Variants in FEZ2 observed in about 807,000 individuals in gnomAD.
FEZ2 encodes fasciculation and elongation protein zeta 2.
In FEZ2, 51 loss-of-function variants were observed where a neutral mutation model predicts 40.4. The ratio of observed to expected loss-of-function variants is 1.26; its 90% confidence interval spans 1.01 to 1.59. The LOEUF is 1.59. Ranked by LOEUF, FEZ2 falls within the 40% of genes most tolerant of loss-of-function variation. The pLI, the probability that FEZ2 is intolerant of heterozygous loss-of-function variation, is 0.00. For synonymous variants in FEZ2, 242 were observed against 172.0 expected (o/e 1.41, Z -3.18); for missense variants, 640 against 438.3 (o/e 1.46, Z -4.11).
intron 5 of FEZ2, among the ~76,000 whole-genome samples, chr2:36,559,963 GT>G (rs1211053698): frequency 7.2e-5 from 11 of 152,362 alleles, no homozygotes; most frequent in African/African-American, 1.7e-4. Flanking sequence ...ACTACCTGCA[GT>G]AAAAACTCCA....
Position 36,552,937 on chromosome 2 carries a change from T to A in FEZ2, c.*226A>T. The stretch of plus-strand genomic sequence containing the variant: ...CTCTTAATCTACTAAGAGAACAGTT[T>A]ATTAGTAGATTTAACAAAAACCATC... On this transcript the variant is annotated 3_prime_UTR_variant, in exon 8 of 8. Transcript: ENST00000405912. The A allele has an allele frequency of 1.9e-6, 1 of 536,606 alleles. No homozygotes were observed. Among genetic ancestry groups the A allele is most frequent in the Non-Finnish European group, 3.4e-6 (1 of 298,056 alleles). The allele number at this position is 536,606 out of a possible 1,614,324, so 33.2% of individuals were successfully genotyped here. A position where few individuals can be genotyped will look rare whatever the true frequency, so the allele number is the denominator to read the frequency against.
At chr2:36,574,719 T>C (rs1296651522) in intron 5 of FEZ2, among the ~76,000 whole-genome samples, 4 of 151,252 alleles carry the variant, frequency 2.6e-5, no homozygotes, top group Non-Finnish European at 5.9e-5. Context: ...GAGCATTGAA[T>C]ATAAAGAAGT....
At chr2:36,584,902 G>C (rs562582243) in intron 2 of FEZ2, among the ~76,000 whole-genome samples, 1 of 152,130 alleles carries the variant, frequency 6.6e-6, no homozygotes, top group Non-Finnish European at 1.5e-5. Flanking sequence ...ATTAGGCTGG[G>C]AGAAGGGCCC....
intron 4 of FEZ2, 86 bp from the exon 5 acceptor site, chr2:36,578,951 T>A: frequency 9.3e-7 from 1 of 1,072,434 alleles, no homozygotes; most frequent in Non-Finnish European, 1.4e-6. Context: ...AATGACTAAA[T>A]AAACACCTAT....
At chr2:36,565,628 C>T (rs1668215299) in intron 5 of FEZ2, among the ~76,000 whole-genome samples, 1 of 152,190 alleles carries the variant, frequency 6.6e-6, no homozygotes, top group South Asian at 2.1e-4. Context: ...GACCCCTAAA[C>T]CTAGCTAGGG....
At chr2:36,582,191 A>T (rs1410098198) in intron 3 of FEZ2, among the ~76,000 whole-genome samples, 3 of 151,614 alleles carry the variant, frequency 2.0e-5, no homozygotes, top group African/African-American at 7.3e-5. Flanking sequence ...GAAACCCAGG[A>T]AAATTACTCA....
intron 5 of FEZ2, among the ~76,000 whole-genome samples, chr2:36,565,142 C>G (rs1474301768): frequency 1.3e-5 from 2 of 152,198 alleles, no homozygotes; most frequent in African/African-American, 4.8e-5. Flanking sequence ...CAATCAACCT[C>G]ACCAATATCT....
chr2:36,563,550 T>C (rs1178584430), intron 5 of FEZ2, among the ~76,000 whole-genome samples: 4 of 150,294 alleles, frequency 2.7e-5, no homozygotes, highest in Non-Finnish European at 5.9e-5. Flanking sequence ...AAAATCTACG[T>C]CTGAGAACGT....
Position 36,591,234 on chromosome 2 carries a change from C to T in FEZ2, c.267-223G>A, listed in dbSNP as rs10469897. The T allele has an allele frequency of 0.37, 203,298 of 544,766 alleles. 39,577 individuals carry two copies. The highest frequency in any genetic ancestry group is 0.64 in the East Asian group (20,613 of 32,172). 33.7% of individuals were successfully genotyped at this position (544,766 alleles called of 1,614,324 possible). A position where few individuals can be genotyped will look rare whatever the true frequency, so the allele number is the denominator to read the frequency against. On this transcript the variant is annotated intron_variant, in intron 1 of 7. Coordinates refer to ENST00000405912, the MANE Select transcript of FEZ2 (RefSeq NM_005102.3). The stretch of plus-strand genomic sequence containing the variant: ...AAGAAGTCCTAAGGGAAGGTGAAGC[C>T]GTACAGAAAACTGCCAATAGGCAGT...
intron 5 of FEZ2, among the ~76,000 whole-genome samples, chr2:36,567,301 C>T (rs112151741): frequency 6.6e-6 from 1 of 150,938 alleles, no homozygotes; most frequent in Non-Finnish European, 1.5e-5. Context: ...GGAGTATGAA[C>T]AGAATAAAGA....
chr2:36,586,022 T>C (rs1418421355), intron 2 of FEZ2, among the ~76,000 whole-genome samples: 3 of 152,180 alleles, frequency 2.0e-5, no homozygotes, highest in Admixed American at 2.0e-4. Flanking sequence ...AGTCCTATAG[T>C]TCTAATTTAC....
intron 5 of FEZ2, among the ~76,000 whole-genome samples, chr2:36,572,765 A>G (rs777015682): frequency 6.6e-6 from 1 of 152,176 alleles, no homozygotes; most frequent in Admixed American, 6.5e-5. Context: ...AGAAGGGGGG[A>G]AAAAGCCAGG....
chr2:36,595,723 T>C (rs1669201520), intron 1 of FEZ2, among the ~76,000 whole-genome samples: 1 of 152,190 alleles, frequency 6.6e-6, no homozygotes. Flanking sequence ...AGTATGTTTT[T>C]GCAATATAAA....
intron 5 of FEZ2, among the ~76,000 whole-genome samples, chr2:36,571,981 C>A (rs539656323): frequency 3.5e-5 from 5 of 143,722 alleles, no homozygotes; most frequent in Non-Finnish European, 6.0e-5. Flanking sequence ...CGCCCCTGCA[C>A]TCCAGCATGA....
In FEZ2 at chr2:36,572,802, A is replaced by G. The variant is rs193052988; in HGVS notation, c.903+5795T>C. ...CCATGTTGTTTTAAACAGAAGCCCCAAACAAAGGCTATCAATCATATTATA... is the reference window on the plus strand; with the variant it reads ...CCATGTTGTTTTAAACAGAAGCCCCGAACAAAGGCTATCAATCATATTATA... On this transcript the variant is annotated intron_variant, in intron 5 of 7. Coordinates refer to ENST00000405912, the MANE Select transcript of FEZ2 (RefSeq NM_005102.3). Among the ~76,000 whole-genome samples, 112 of 152,318 alleles carry G rather than the reference A, an allele frequency of 7.4e-4. 1 individual carries two copies. Among genetic ancestry groups the G allele is most frequent in the African/African-American group, 2.6e-3 (110 of 41,578 alleles).
chr2:36,590,837 G>A (rs1381998646), intron 2 of FEZ2, 66 bp downstream of exon 2: 2 of 929,680 alleles, frequency 2.2e-6, no homozygotes, highest in Non-Finnish European at 3.5e-6. Flanking sequence ...AAGCAGAAAT[G>A]CTACTGTTTT....
In FEZ2 at chr2:36,581,376, T is replaced by A. The variant is rs771105597; in HGVS notation, c.548A>T (p.Glu183Val). 4 of 1,613,580 alleles carry A rather than the reference T, an allele frequency of 2.5e-6. No individual in the cohort carries two copies. The East Asian group carries it at 6.7e-5, about 27-fold the overall frequency. The change falls in exon 4 of 8, where the codon GAA becomes GTA. Residue 183 changes from glutamate to valine, a missense_variant. Physicochemically the swap from Glu to Val is moderately radical, Grantham distance 121. Coordinates refer to ENST00000405912, the MANE Select transcript of FEZ2 (RefSeq NM_005102.3). ...MQESPDPEDDETPTQSDRLSM... is the reference protein window; with the variant it reads ...MQESPDPEDDVTPTQSDRLSM... The stretch of plus-strand genomic sequence containing the variant: ...AAGCCGATCTGACTGTGTAGGGGTT[T>A]CATCATCTTCTGGGTCCGGTGATTC...
chr2:36,595,468 C>T (rs949590723), intron 1 of FEZ2, among the ~76,000 whole-genome samples: 3 of 152,060 alleles, frequency 2.0e-5, no homozygotes, highest in African/African-American at 7.2e-5. Flanking sequence ...AATCTAATGC[C>T]GTGGCTGATC....
Position 36,553,096 on chromosome 2 carries a change from TA to T in FEZ2, c.*66del. ...TTTCCAATAGCAAGAAGGGTAATGG[TA>T]GCCAGCTCTCAGAATAATGCTGTCG... On this transcript the variant is annotated 3_prime_UTR_variant, in exon 8 of 8. Coordinates refer to ENST00000405912, the MANE Select transcript of FEZ2 (RefSeq NM_005102.3). 2 of 1,377,070 alleles carry T rather than the reference TA, an allele frequency of 1.5e-6. No individual in the cohort carries two copies. Among genetic ancestry groups the T allele is most frequent in the Non-Finnish European group, 2.0e-6 (2 of 989,804 alleles). The allele number at this position is 1,377,070 out of a possible 1,614,324, so 85.3% of individuals were successfully genotyped here. A position where few individuals can be genotyped will look rare whatever the true frequency, so the allele number is the denominator to read the frequency against.
Sources: gnomAD v4.1 joint callset for allele counts (sites outside exome capture counted in the v4.1 genomes callset) on GRCh38, gnomAD v4.1.1 for gene constraint, MANE v1.5 for transcripts, NCBI Gene and HGNC (gene_info 2026-07-23, HGNC 2026-07-21) for gene names.